Variants in TXLNB observed in about 807,000 individuals in gnomAD.
TXLNB encodes the protein taxilin beta, also known as beta-taxilin.
Under a neutral mutation model 57.4 loss-of-function variants are expected in TXLNB, and 37 were observed. That is an observed-to-expected ratio of 0.64 (90% CI 0.50 to 0.85). The LOEUF (loss-of-function observed/expected upper bound fraction) is 0.85, where lower values mean the gene tolerates loss of function less well. TXLNB is among the 40% of genes least tolerant of loss of function. The pLI is 0.00. For missense variants in TXLNB, 848 were observed against 825.6 expected (o/e 1.03, Z -0.33); for synonymous variants, 302 against 309.6 (o/e 0.98, Z 0.26).
intron 5 of TXLNB, among the ~76,000 whole-genome samples, chr6:139,262,216 C>A (rs929704798): frequency 3.3e-5 from 5 of 152,072 alleles, no homozygotes; most frequent in Admixed American, 2.6e-4. Flanking sequence ...AGAATACAGA[C>A]TCTTAATTTA....
the TXLNB span, among the ~76,000 whole-genome samples, chr6:139,190,732 T>A: frequency 6.6e-6 from 1 of 152,144 alleles, no homozygotes; most frequent in Non-Finnish European, 1.5e-5. Context: ...ATCCTGATAA[T>A]CTAATGACCT....
At chr6:139,223,270 A>G in the TXLNB span, among the ~76,000 whole-genome samples, 1 of 152,248 alleles carries the variant, frequency 6.6e-6, no homozygotes, top group Non-Finnish European at 1.5e-5. Context: ...AGTGATAAGA[A>G]ACATAGTAGA....
At chr6:139,190,877 A>G in the TXLNB span, among the ~76,000 whole-genome samples, 2 of 152,204 alleles carry the variant, frequency 1.3e-5, no homozygotes, top group Non-Finnish European at 2.9e-5. Flanking sequence ...AGGAGGAGGC[A>G]CAAGCGTTCA....
At chr6:139,312,302 C>G in the TXLNB span, among the ~76,000 whole-genome samples, 2 of 152,142 alleles carry the variant, frequency 1.3e-5, no homozygotes, top group Non-Finnish European at 2.9e-5. Context: ...AAAAATCAAT[C>G]TCTTTTTTAA....
At chr6:139,310,321 A>G in the TXLNB span, among the ~76,000 whole-genome samples, 1 of 152,234 alleles carries the variant, frequency 6.6e-6, no homozygotes, top group Non-Finnish European at 1.5e-5. Flanking sequence ...TAGGCAATGG[A>G]CCTGAGCAGA....
chr6:139,267,223 G>C (rs73560719), intron 4 of TXLNB, among the ~76,000 whole-genome samples: 5,812 of 152,080 alleles, frequency 0.038, 380 homozygotes, highest in African/African-American at 0.13. Context: ...GTAGATAAAA[G>C]GGATATAGTT....
At chr6:139,163,884 T>G in the TXLNB span, among the ~76,000 whole-genome samples, 1 of 152,100 alleles carries the variant, frequency 6.6e-6, no homozygotes, top group Non-Finnish European at 1.5e-5. Context: ...CACATCTGTA[T>G]TCACAGCTCT....
At chr6:139,261,378 T>C (rs1776478067) in intron 5 of TXLNB, among the ~76,000 whole-genome samples, 1 of 152,148 alleles carries the variant, frequency 6.6e-6, no homozygotes. Flanking sequence ...AGTTTCTTGA[T>C]TTACCTAACC....
chr6:139,229,831 C>T, the TXLNB span, among the ~76,000 whole-genome samples: 1 of 152,270 alleles, frequency 6.6e-6, no homozygotes, highest in South Asian at 2.1e-4. Flanking sequence ...TGTGGTTGGT[C>T]TTATTACCAT....
At chr6:139,299,534 C>T in the TXLNB span, among the ~76,000 whole-genome samples, 4 of 152,198 alleles carry the variant, frequency 2.6e-5, no homozygotes, top group African/African-American at 9.6e-5. Flanking sequence ...TTCCTTCCCT[C>T]CCCTCTTCTC....
the TXLNB span, chr6:139,169,524 T>G: frequency 6.6e-6 from 1 of 152,252 alleles, no homozygotes. Flanking sequence ...TTTTGAGAAT[T>G]GTACCTAACT....
intron 3 of TXLNB, among the ~76,000 whole-genome samples, chr6:139,274,690 G>A (rs532722178): frequency 6.6e-6 from 1 of 152,218 alleles, no homozygotes; most frequent in South Asian, 2.1e-4. Context: ...GGTAAGTCTG[G>A]AAAAGTGATG....
chr6:139,242,657 C>G lies in TXLNB; in HGVS notation c.1924G>C (p.Ala642Pro). 3.7e-6 allele frequency: 6 copies of G among 1,610,062 alleles called. No homozygotes were observed. Among genetic ancestry groups the G allele is most frequent in the Middle Eastern group, 1.7e-4 (1 of 5,806 alleles). The change falls in exon 10 of 10, where the codon GCA becomes CCA. Residue 642 changes from alanine (A) to proline (P), a missense_variant. By Grantham distance (27) the Ala-to-Pro change is conservative (BLOSUM62 -1). Coordinates refer to ENST00000358430, the MANE Select transcript of TXLNB (RefSeq NM_153235.4). Reference sequence around the variant, plus strand: ...GGCTCGCATGCAGGCACCATGGCTGCAACGTGCTCTTCTGCTGCGCATGCT... The same window carrying G: ...GGCTCGCATGCAGGCACCATGGCTGGAACGTGCTCTTCTGCTGCGCATGCT... ...APACAAEEHV[A>P]AMVPACEPSR...
chr6:139,178,342 G>A, the TXLNB span: 5 of 152,134 alleles, frequency 3.3e-5, no homozygotes, highest in East Asian at 1.9e-4. Context: ...GACTGACGTC[G>A]CATACCCTTA....
chr6:139,317,986 T>C, the TXLNB span, among the ~76,000 whole-genome samples: 17 of 151,596 alleles, frequency 1.1e-4, 1 homozygote, highest in Admixed American at 1.1e-3. Flanking sequence ...GAAAGGATTA[T>C]GGGGCCGGGC....
At chr6:139,315,467 G>A in the TXLNB span, among the ~76,000 whole-genome samples, 2 of 152,328 alleles carry the variant, frequency 1.3e-5, no homozygotes, top group East Asian at 3.9e-4. Flanking sequence ...ATAAAAGAGA[G>A]TAAGTTATGA....
the TXLNB span, among the ~76,000 whole-genome samples, chr6:139,310,494 A>T: frequency 6.6e-6 from 1 of 152,222 alleles, no homozygotes; most frequent in Non-Finnish European, 1.5e-5. Context: ...TCACACAATA[A>T]AACCTATTAG....
the TXLNB span, chr6:139,174,642 A>C: frequency 1.9e-5 from 28 of 1,498,198 alleles, 1 homozygote; most frequent in East Asian, 3.7e-4. Flanking sequence ...AATTCAGTCC[A>C]GCAATGATGG....
At chr6:139,171,283 C>G in the TXLNB span, among the ~76,000 whole-genome samples, 1 of 152,092 alleles carries the variant, frequency 6.6e-6, no homozygotes, top group Non-Finnish European at 1.5e-5. Flanking sequence ...TTGAGAGTAC[C>G]TTTCAGGGAG....
Sources: gnomAD v4.1 joint callset for allele counts (sites outside exome capture counted in the v4.1 genomes callset) on GRCh38, gnomAD v4.1.1 for gene constraint, MANE v1.5 for transcripts, NCBI Gene and HGNC (gene_info 2026-07-23, HGNC 2026-07-21) for gene names.